The following DIAPH3 variants were observed in gnomAD, a reference collection of about 807,000 sequenced individuals.
DIAPH3 encodes the protein diaphanous related formin 3.
Under a neutral mutation model 144.3 loss-of-function variants are expected in DIAPH3, and 117 were observed. The observed-to-expected ratio is 0.81, with a 90% CI of 0.70 to 0.95. The LOEUF (loss-of-function observed/expected upper bound fraction) is 0.95, where lower values mean the gene tolerates loss of function less well. Ranked by LOEUF, DIAPH3 falls within the 40% of genes least tolerant of loss-of-function variation. The probability of loss-of-function intolerance (pLI) is 0.00; values close to 1 mark genes in which losing one functional copy is unlikely to be tolerated. For synonymous variants in DIAPH3, 519 were observed against 488.9 expected, an observed-to-expected ratio of 1.06 and a Z score of -0.81; for missense variants, 1,421 against 1,412.7, an observed-to-expected ratio of 1.01 and a Z score of -0.09.
chr13:59,965,439 T>C (rs2049993516), intron 17 of DIAPH3, among the ~76,000 whole-genome samples: 1 of 152,058 alleles, frequency 6.6e-6, no homozygotes, highest in Non-Finnish European at 1.5e-5. Flanking sequence ...TAGTTAATAT[T>C]AATTTTACTT....
At chr13:59,990,087 T>C (rs1334349056) in intron 12 of DIAPH3, among the ~76,000 whole-genome samples, 1 of 151,904 alleles carries the variant, frequency 6.6e-6, no homozygotes, top group Non-Finnish European at 1.5e-5. Flanking sequence ...ATTTATAATA[T>C]AAATATTTAA....
chr13:59,715,405 G>A (rs941523459), intron 27 of DIAPH3, among the ~76,000 whole-genome samples: 1 of 152,292 alleles, frequency 6.6e-6, no homozygotes, highest in East Asian at 1.9e-4. Context: ...AGGAGGGGAT[G>A]AGGAAAGAGA....
At chr13:59,705,166 C>T (rs2092281647) in intron 27 of DIAPH3, among the ~76,000 whole-genome samples, 1 of 152,004 alleles carries the variant, frequency 6.6e-6, no homozygotes, top group Non-Finnish European at 1.5e-5. Flanking sequence ...ATAGCCTAGT[C>T]CTCACTCCAA....
intron 27 of DIAPH3, among the ~76,000 whole-genome samples, chr13:59,760,125 G>T (rs2037501959): frequency 6.6e-6 from 1 of 152,136 alleles, no homozygotes; most frequent in South Asian, 2.1e-4. Flanking sequence ...AATGCACTAT[G>T]CCCTTCACTT....
At chr13:60,009,289 C>T (rs1394563103) in intron 8 of DIAPH3, among the ~76,000 whole-genome samples, 2 of 152,114 alleles carry the variant, frequency 1.3e-5, no homozygotes, top group Non-Finnish European at 2.9e-5. Context: ...AGTTCGTGGA[C>T]ATGGGCATGC....
At chr13:59,772,763 T>C (rs1197798527) in intron 27 of DIAPH3, among the ~76,000 whole-genome samples, 3 of 152,082 alleles carry the variant, frequency 2.0e-5, no homozygotes, top group Non-Finnish European at 4.4e-5. Context: ...AATCATTGTG[T>C]TTGGCTGTGG....
At chr13:59,753,129 T>C (rs1023364985) in intron 27 of DIAPH3, among the ~76,000 whole-genome samples, 1 of 152,132 alleles carries the variant, frequency 6.6e-6, no homozygotes, top group Non-Finnish European at 1.5e-5. Context: ...ACCAAACAAA[T>C]TGGGTTAAAG....
At chr13:59,895,952 G>A (rs1253723396) in intron 20 of DIAPH3, among the ~76,000 whole-genome samples, 2 of 152,120 alleles carry the variant, frequency 1.3e-5, no homozygotes, top group African/African-American at 2.4e-5. Flanking sequence ...AAAAACGTAA[G>A]GTAAACTCTA....
At chr13:59,703,191 T>C (rs1217875808) in intron 27 of DIAPH3, among the ~76,000 whole-genome samples, 1 of 152,220 alleles carries the variant, frequency 6.6e-6, no homozygotes, top group Non-Finnish European at 1.5e-5. Context: ...CAACTTGAGA[T>C]GTGGTGAAGT....
intron 9 of DIAPH3, among the ~76,000 whole-genome samples, chr13:59,997,306 G>T (rs1594274343): frequency 6.6e-6 from 1 of 152,068 alleles, no homozygotes; most frequent in East Asian, 1.9e-4. Context: ...TGTGATATTT[G>T]TCTCTCTGTG....
intron 17 of DIAPH3, among the ~76,000 whole-genome samples, chr13:59,953,596 AC>A (rs2049217366): frequency 6.6e-6 from 1 of 152,310 alleles, no homozygotes; most frequent in African/African-American, 2.4e-5. Context: ...AATGATGAGG[AC>A]AAAAGGAAGG....
At position 59,879,211 on chromosome 13, in the gene DIAPH3, T is replaced by C; in HGVS notation, c.2607+18A>G. Reference sequence around the variant, plus strand: ...CAAGTGTTCAGGCAAATATGTGTTTTTAAAAAAACAAACTCACTTTACAGA... The same window carrying C: ...CAAGTGTTCAGGCAAATATGTGTTTCTAAAAAAACAAACTCACTTTACAGA... On this transcript the variant is annotated intron_variant, in intron 21 of 27. Transcript: ENST00000400324. 3 of 1,613,522 alleles carry C rather than the reference T, an allele frequency of 1.9e-6. No homozygotes were observed. The South Asian group carries it at 3.3e-5, about 18-fold the overall frequency.
chr13:59,777,123 G>C (rs529148659), intron 25 of DIAPH3, among the ~76,000 whole-genome samples: 1 of 152,208 alleles, frequency 6.6e-6, no homozygotes, highest in Admixed American at 6.5e-5. Context: ...TACAGAAATG[G>C]CTGATTCTAG....
intron 4 of DIAPH3, among the ~76,000 whole-genome samples, chr13:60,061,530 T>A (rs1458539775): frequency 1.4e-5 from 2 of 139,792 alleles, no homozygotes; most frequent in Admixed American, 7.8e-5. Context: ...AGTTCTACCA[T>A]AACATTTAAA....
intron 5 of DIAPH3, among the ~76,000 whole-genome samples, chr13:60,029,383 T>C (rs2054620813): frequency 6.6e-6 from 1 of 152,100 alleles, no homozygotes; most frequent in South Asian, 2.1e-4. Flanking sequence ...CTCCCTTCAA[T>C]CAATTCTCCC....
chr13:60,147,585 C>T (rs1951589690), intron 1 of DIAPH3, among the ~76,000 whole-genome samples: 1 of 152,118 alleles, frequency 6.6e-6, no homozygotes, highest in Non-Finnish European at 1.5e-5. Flanking sequence ...CAAGCATGCA[C>T]AGAGGACACT....
intron 27 of DIAPH3, among the ~76,000 whole-genome samples, chr13:59,769,745 A>AGACC (rs2139246835): frequency 6.6e-6 from 1 of 152,154 alleles, no homozygotes; most frequent in African/African-American, 2.4e-5. Flanking sequence ...GCCTGGTGTC[A>AGACC]GACCCGCAAT....
At chr13:59,865,977 T>C (rs767844224) in intron 21 of DIAPH3, among the ~76,000 whole-genome samples, 112 of 152,160 alleles carry the variant, frequency 7.4e-4, no homozygotes, top group Non-Finnish European at 1.2e-3. Context: ...CATCATTATG[T>C]TCCTATAATC....
At chr13:59,879,569 C>T (rs2044870166) in intron 20 of DIAPH3, 101 bp from the exon 21 acceptor site, 1 of 1,513,636 alleles carries the variant, frequency 6.6e-7, no homozygotes, top group South Asian at 1.2e-5. Flanking sequence ...TATGACAGTA[C>T]CAAAGAAGAA....
Sources: allele counts gnomAD v4.1 joint callset (sites outside exome capture counted in the v4.1 genomes callset), GRCh38; gene constraint gnomAD v4.1.1; transcripts MANE v1.5; gene names NCBI Gene and HGNC (gene_info 2026-07-23, HGNC 2026-07-21).